Variants in CD3E observed in about 807,000 individuals in gnomAD.
The protein encoded by CD3E is T-cell surface glycoprotein CD3 epsilon chain.
CD3E carries 16 observed loss-of-function variants against 34.7 expected under a neutral mutation model. That is an observed-to-expected ratio of 0.46 (90% CI 0.31 to 0.70). The LOEUF (loss-of-function observed/expected upper bound fraction) is 0.70, where lower values mean the gene tolerates loss of function less well. Among genes scored for constraint, CD3E ranks in the 30% least tolerant of loss-of-function variants. The pLI is 0.05. For synonymous variants in CD3E, 70 were observed against 90.8 expected (o/e 0.77, Z 1.30); for missense variants, 223 against 253.9 (o/e 0.88, Z 0.83).
chr11:118,312,059 T>C (rs1315430660), intron 4 of CD3E, 94 bp from the exon 5 acceptor site: 32 of 1,044,072 alleles, frequency 3.1e-5, no homozygotes, highest in East Asian at 1.9e-4. Flanking sequence ...GGAAGTCTTG[T>C]GGGCAGTGTC....
chr11:118,313,459 C>T (rs1218444476), intron 6 of CD3E: 1 of 529,104 alleles, frequency 1.9e-6, no homozygotes, highest in Non-Finnish European at 3.4e-6. Context: ...ACATTTCACG[C>T]TTCTCACAGC....
chr11:118,305,055 AC>A, intron 2 of CD3E, 54 bp downstream of exon 2: 1 of 1,494,758 alleles, frequency 6.7e-7, no homozygotes, highest in Non-Finnish European at 9.3e-7. Flanking sequence ...TGGAAGGCTT[AC>A]AGCCTTACCT....
chr11:118,312,749 G>A lies in CD3E; in HGVS notation c.235G>A (p.Glu79Lys). 1.2e-6 allele frequency: 2 copies of A among 1,614,198 alleles called. No homozygotes were observed. The highest frequency in any genetic ancestry group is 1.7e-6 in the Non-Finnish European group (2 of 1,180,028). Residue 79 changes from glutamate (E) to lysine (K), a missense_variant, in exon 6 of 9, where the codon GAG becomes AAG. By Grantham distance (56) the Glu-to-Lys change is moderately conservative (BLOSUM62 1). Transcript: ENST00000361763. ...GGATGATAAAAACATAGGCAGTGAT[G>A]AGGATCACCTGTCACTGAAGGAATT... The part of the protein sequence containing the change: ...DEDDKNIGSD[E>K]DHLSLKEFSE...
chr11:118,306,405 G>A (rs1422339039), intron 2 of CD3E, among the ~76,000 whole-genome samples: 1 of 151,920 alleles, frequency 6.6e-6, no homozygotes, highest in Non-Finnish European at 1.5e-5. Context: ...TGAGGTGGAA[G>A]GATCACTTGA....
At chr11:118,308,791 T>C (rs899480450) in intron 4 of CD3E, among the ~76,000 whole-genome samples, 1 of 152,212 alleles carries the variant, frequency 6.6e-6, no homozygotes. Context: ...TTTGAATGAA[T>C]AAATGAACAA....
At chr11:118,315,209 T>C (rs1416661759) in intron 8 of CD3E, among the ~76,000 whole-genome samples, 1 of 152,226 alleles carries the variant, frequency 6.6e-6, no homozygotes, top group South Asian at 2.1e-4. Flanking sequence ...GCCAAACACG[T>C]AGTATTTACT....
rs1194389924 is a variant in CD3E at position 118,314,438 on chromosome 11, T to A, written c.521-10T>A. ...ATGGGAATGAAATGTTTCCCCTCCT[T>A]CCTCCGCAGGACAAAACAAGGAGAG... On this transcript the variant is annotated splice_polypyrimidine_tract_variant and intron_variant, in intron 7 of 8. Transcript: ENST00000361763. 7.4e-6 allele frequency: 12 copies of A among 1,613,312 alleles called. No homozygotes were observed. The highest frequency in any genetic ancestry group is 1.3e-5 in the African/African-American group (1 of 74,886).
intron 2 of CD3E, among the ~76,000 whole-genome samples, chr11:118,305,258 T>C (rs1489292138): frequency 6.6e-6 from 1 of 152,226 alleles, no homozygotes; most frequent in Non-Finnish European, 1.5e-5. Context: ...GAGGTCTCGC[T>C]ACCTCTAAGT....
intron 4 of CD3E, among the ~76,000 whole-genome samples, chr11:118,308,952 G>C (rs1156514417): frequency 1.3e-5 from 2 of 152,194 alleles, no homozygotes; most frequent in Non-Finnish European, 2.9e-5. Flanking sequence ...CAACTCTACT[G>C]AGTGTCGTTG....
At chr11:118,314,304 G>A in intron 7 of CD3E, 144 bp from the exon 8 acceptor site, 3 of 719,862 alleles carry the variant, frequency 4.2e-6, no homozygotes, top group Non-Finnish European at 7.4e-6. Flanking sequence ...AAAAAAAAGA[G>A]AAAGGACGTC....
Position 118,315,566 on chromosome 11 carries a change from G to A in CD3E, c.*24G>A, listed in dbSNP as rs981500571. On this transcript the variant is annotated 3_prime_UTR_variant, in exon 9 of 9. Coordinates refer to ENST00000361763, the MANE Select transcript of CD3E (RefSeq NM_000733.4). ...GACCCTCTGGAGAACACTGCCTCCC[G>A]CTGGCCCAGGTCTCCTCTCCAGTCC... The A allele has an allele frequency of 3.1e-6, 5 of 1,596,434 alleles. No individual in the cohort carries two copies. The highest frequency in any genetic ancestry group is 2.3e-5 in the South Asian group (2 of 88,598).
intron 3 of CD3E, among the ~76,000 whole-genome samples, 166 bp from the exon 4 acceptor site, chr11:118,308,261 C>G (rs1303074517): frequency 6.6e-6 from 1 of 152,170 alleles, no homozygotes; most frequent in Admixed American, 6.5e-5. Flanking sequence ...AAATAGTCAT[C>G]AGATAAGATG....
In CD3E at chr11:118,312,769, G is replaced by T. The variant is rs201263095; in HGVS notation, c.255G>T (p.Lys85Asn). The T allele has an allele frequency of 1.5e-5, 24 of 1,614,038 alleles. No homozygotes were observed. Among genetic ancestry groups the T allele is most frequent in the African/African-American group, 2.7e-5 (2 of 74,912 alleles). Residue 85 changes from lysine to asparagine, a missense_variant, in exon 6 of 9, where the codon AAG becomes AAT. Physicochemically the swap from Lys to Asn is moderately conservative, Grantham distance 94. Transcript: ENST00000361763. ...GTGATGAGGATCACCTGTCACTGAA[G>T]GAATTTTCAGAATTGGAGCAAAGTG... ...IGSDEDHLSL[K>N]EFSELEQSGY... is the part of the protein sequence containing the mutation.
At chr11:118,309,621 T>G (rs926997991) in intron 4 of CD3E, among the ~76,000 whole-genome samples, 3 of 152,146 alleles carry the variant, frequency 2.0e-5, no homozygotes, top group Non-Finnish European at 4.4e-5. Flanking sequence ...TTTTAGCTAT[T>G]AATACATGGA....
chr11:118,310,707 TCAAA>T (rs1174576015), intron 4 of CD3E, among the ~76,000 whole-genome samples: 7 of 152,244 alleles, frequency 4.6e-5, no homozygotes, highest in Non-Finnish European at 7.3e-5. Flanking sequence ...TACATTTTTT[TCAAA>T]CAAACACACC....
intron 8 of CD3E, among the ~76,000 whole-genome samples, 176 bp from the exon 9 acceptor site, chr11:118,315,310 G>C (rs1027073216): frequency 1.3e-5 from 2 of 152,096 alleles, no homozygotes; most frequent in East Asian, 1.9e-4. Flanking sequence ...TGAGGCTCAC[G>C]GAAGGAGGTG....
At chr11:118,314,547 G>C in intron 8 of CD3E, 53 bp downstream of exon 8, 3 of 1,547,434 alleles carry the variant, frequency 1.9e-6, no homozygotes, top group East Asian at 2.3e-5. Context: ...CCCTCCAGGG[G>C]GGAAGGAAAC....
In CD3E at chr11:118,312,145, A is replaced by G. The variant is rs760787198; in HGVS notation, c.86-8A>G. ...TTTCTTACTGCTGTTTCCTTTTTTC[A>G]TTTTCAGGTGGTATTACACAGACAC... On this transcript the variant is annotated splice_polypyrimidine_tract_variant and splice_region_variant and intron_variant, in intron 4 of 8. Coordinates refer to ENST00000361763, the MANE Select transcript of CD3E (RefSeq NM_000733.4). 6 of 1,610,406 alleles carry G rather than the reference A, an allele frequency of 3.7e-6. No individual in the cohort carries two copies. The East Asian group carries it at 1.3e-4, about 36-fold the overall frequency.
intron 7 of CD3E, 93 bp from the exon 8 acceptor site, chr11:118,314,355 T>C (rs1591269763): frequency 2.0e-6 from 2 of 1,014,978 alleles, no homozygotes; most frequent in East Asian, 2.5e-5. Context: ...ACAATGGGGT[T>C]TGCCATTCTC....
Sources: allele counts gnomAD v4.1 joint callset (sites outside exome capture counted in the v4.1 genomes callset), GRCh38; gene constraint gnomAD v4.1.1; transcripts MANE v1.5; gene names NCBI Gene and HGNC (gene_info 2026-07-23, HGNC 2026-07-21).